GOLIM4: variants seen among roughly 807,000 people sequenced by gnomAD.
GOLIM4 encodes golgi integral membrane protein 4, also known as 130 kDa golgi-localized phosphoprotein.
A neutral mutation model predicts 107.4 loss-of-function variants in GOLIM4; 71 were observed. That is an observed-to-expected ratio of 0.66 (90% CI 0.55 to 0.81). GOLIM4 has a LOEUF of 0.81. GOLIM4 is among the 30% of genes least tolerant of loss of function. The pLI, the probability that GOLIM4 is intolerant of heterozygous loss-of-function variation, is 0.00. For synonymous variants in GOLIM4, 327 were observed against 294.8 expected (o/e 1.11, Z -1.12); for missense variants, 830 against 826.1 (o/e 1.00, Z -0.06).
chr3:168,067,874 G>A (rs1720632092), intron 1 of GOLIM4, among the ~76,000 whole-genome samples: 1 of 151,586 alleles, frequency 6.6e-6, no homozygotes, highest in Non-Finnish European at 1.5e-5. Context: ...CTGTATTATC[G>A]ATATGCAAAA....
chr3:168,027,847 C>G lies in GOLIM4; in HGVS notation c.1514-10G>C. On this transcript the variant is annotated splice_polypyrimidine_tract_variant and intron_variant, in intron 11 of 15. Transcript: ENST00000470487. ...TTGTCTCTTTCATAGGCTAGCAAAT[C>G]AAAGGAACTAAAATCAGCCCAAAAT... 2 of 1,551,454 alleles carry G rather than the reference C, an allele frequency of 1.3e-6. No homozygotes were observed. The highest frequency in any genetic ancestry group is 1.8e-6 in the Non-Finnish European group (2 of 1,123,808).
At chr3:168,011,742 C>A (rs1354254977) in intron 14 of GOLIM4, among the ~76,000 whole-genome samples, 1 of 136,318 alleles carries the variant, frequency 7.3e-6, no homozygotes, top group Non-Finnish European at 1.5e-5. Flanking sequence ...GACCCCTTAC[C>A]CCTGAGCAGC....
rs147945609 is a variant in GOLIM4 at position 168,069,300 on chromosome 3, A to C, written c.188-20935T>G. On this transcript the variant is annotated intron_variant, in intron 1 of 15. Coordinates refer to ENST00000470487, the MANE Select transcript of GOLIM4 (RefSeq NM_014498.5). ...GATAAAAATGTACTCATATGGCCGG[A>C]ACATTGCTAGGTCCAAGGGACAATA... is the stretch of plus-strand genomic sequence containing the variant. Among the ~76,000 whole-genome samples, 47 of 152,310 alleles carry C rather than the reference A, an allele frequency of 3.1e-4. 1 individual carries two copies. The East Asian group carries it at 8.5e-3, about 27-fold the overall frequency.
At chr3:168,056,813 T>C (rs553281973) in intron 1 of GOLIM4, among the ~76,000 whole-genome samples, 188 of 152,354 alleles carry the variant, frequency 1.2e-3, no homozygotes, top group Non-Finnish European at 2.0e-3. Context: ...TAACTTGCTT[T>C]TGATTTTACA....
chr3:168,076,815 GAATA>G (rs1256687191), intron 1 of GOLIM4, among the ~76,000 whole-genome samples: 1 of 152,118 alleles, frequency 6.6e-6, no homozygotes, highest in Non-Finnish European at 1.5e-5. Flanking sequence ...GTCACTGAAA[GAATA>G]GTCATAAAAA....
At chr3:168,022,095 A>G (rs1379252601) in intron 14 of GOLIM4, among the ~76,000 whole-genome samples, 4 of 152,242 alleles carry the variant, frequency 2.6e-5, no homozygotes, top group African/African-American at 9.6e-5. Flanking sequence ...AAGGCAGAGT[A>G]GTATAAATTT....
chr3:168,024,445 G>A (rs1717883043), intron 14 of GOLIM4, 81 bp downstream of exon 14: 2 of 1,049,970 alleles, frequency 1.9e-6, no homozygotes, highest in Non-Finnish European at 3.0e-6. Flanking sequence ...GCATGTCAAA[G>A]TCAATACTGC....
chr3:168,082,352 G>C (rs1295096600), intron 1 of GOLIM4, among the ~76,000 whole-genome samples: 2 of 152,036 alleles, frequency 1.3e-5, no homozygotes, highest in Non-Finnish European at 2.9e-5. Flanking sequence ...AGACAAAGCC[G>C]ACTTTCTTTA....
At chr3:168,064,374 G>C (rs1720433002) in intron 1 of GOLIM4, among the ~76,000 whole-genome samples, 1 of 152,070 alleles carries the variant, frequency 6.6e-6, no homozygotes, top group Non-Finnish European at 1.5e-5. Context: ...ATAAATCCAA[G>C]ACAGCACATA....
intron 5 of GOLIM4, 126 bp from the exon 6 acceptor site, chr3:168,041,600 T>C (rs1719007732): frequency 1.1e-5 from 6 of 570,454 alleles, no homozygotes; most frequent in Non-Finnish European, 1.8e-5. Flanking sequence ...GACAATATAA[T>C]ATTCAAAATC....
At chr3:168,029,144 TATA>T in intron 11 of GOLIM4, 76 bp downstream of exon 11, 2 of 916,150 alleles carry the variant, frequency 2.2e-6, no homozygotes, top group South Asian at 1.4e-5. Context: ...ATTGATGTTA[TATA>T]ATATTGGCTC....
Position 168,095,754 on chromosome 3 carries a change from C to A in GOLIM4, c.-469G>T. The A allele has an allele frequency of 6.3e-6, 1 of 159,024 alleles. No homozygotes were observed. Among genetic ancestry groups the A allele is most frequent in the Non-Finnish European group, 1.4e-5 (1 of 73,104 alleles). The allele number at this position is 159,024 out of a possible 1,614,324, so 9.9% of individuals were successfully genotyped here. On this transcript the variant is annotated 5_prime_UTR_variant, in exon 1 of 16. Coordinates refer to ENST00000470487, the MANE Select transcript of GOLIM4 (RefSeq NM_014498.5). ...GGGGGTGCGCGCCCAACAAAGGGAC[C>A]AGGACTCCGGGCCGCGCCCCCGTGC...
chr3:168,044,883 T>C lies in GOLIM4; in HGVS notation c.313-2A>G. The C allele has an allele frequency of 6.6e-7, 1 of 1,519,966 alleles. No individual in the cohort carries two copies. Among genetic ancestry groups the C allele is most frequent in the Non-Finnish European group, 8.9e-7 (1 of 1,128,378 alleles). 94.2% of individuals were successfully genotyped at this position (1,519,966 alleles called of 1,614,324 possible). A position where few individuals can be genotyped will look rare whatever the true frequency, so the allele number is the denominator to read the frequency against. Reference sequence around the variant, plus strand: ...ACTGTATCTGCTATTGGAATCTTGCTGTAAATCAAAAAAAAAAAAGAAAAC... The same window carrying C: ...ACTGTATCTGCTATTGGAATCTTGCCGTAAATCAAAAAAAAAAAAGAAAAC... On this transcript the variant is annotated splice_acceptor_variant, in intron 3 of 15. Coordinates refer to ENST00000470487, the MANE Select transcript of GOLIM4 (RefSeq NM_014498.5). LOFTEE classifies it high-confidence loss of function.
rs2108227863 is a variant in GOLIM4, at chr3:168,029,892, C to T, written c.1321G>A (p.Gly441Arg). 2 of 1,614,110 alleles carry T rather than the reference C, an allele frequency of 1.2e-6. No individual in the cohort carries two copies. Among genetic ancestry groups the T allele is most frequent in the South Asian group, 1.1e-5 (1 of 91,080 alleles). ...QEALHQQRLQ[G>R]HLLRQQEQQQ... ...TGTTCCTGCTGCCGTAGTAAGTGCC[C>T]CTGCAGCCTCTGCTGGTGCAAAGCT... The change falls in exon 10 of 16, where the codon GGG becomes AGG. Residue 441 changes from glycine (G) to arginine (R), a missense_variant. Gly to Arg is a moderately radical substitution (Grantham distance 125, BLOSUM62 -2). Coordinates refer to ENST00000470487, the MANE Select transcript of GOLIM4 (RefSeq NM_014498.5).
chr3:168,073,403 C>A (rs933995317), intron 1 of GOLIM4, among the ~76,000 whole-genome samples: 1 of 152,152 alleles, frequency 6.6e-6, no homozygotes, highest in African/African-American at 2.4e-5. Flanking sequence ...GGAAACACAG[C>A]CATATAAAAT....
At position 168,058,263 on chromosome 3, in the gene GOLIM4, T is replaced by C. The variant is rs115514406; in HGVS notation, c.188-9898A>G. Among the ~76,000 whole-genome samples, 506 of 152,356 alleles carry C rather than the reference T, an allele frequency of 3.3e-3. 7 individuals carry two copies. Among genetic ancestry groups the C allele is most frequent in the African/African-American group, 0.012 (480 of 41,582 alleles). On this transcript the variant is annotated intron_variant, in intron 1 of 15. Transcript: ENST00000470487. ...ATGGAAATTTTAACCATGACTTGAA[T>C]TGGTGCTTAACTGCCTTTTCTTTTG...
chr3:168,066,763 T>G (rs1277158346), intron 1 of GOLIM4, among the ~76,000 whole-genome samples: 1 of 152,166 alleles, frequency 6.6e-6, no homozygotes. Context: ...ATCTATTCAT[T>G]AGAAGATCTA....
intron 1 of GOLIM4, among the ~76,000 whole-genome samples, chr3:168,066,569 A>C (rs1203842804): frequency 1.3e-5 from 2 of 152,164 alleles, no homozygotes; most frequent in African/African-American, 4.8e-5. Context: ...TATGAGGTAA[A>C]GTATACTTGT....
intron 1 of GOLIM4, among the ~76,000 whole-genome samples, chr3:168,092,380 C>T (rs1218486246): frequency 6.6e-6 from 1 of 152,112 alleles, no homozygotes; most frequent in Admixed American, 6.5e-5. Flanking sequence ...TGCATGCCAT[C>T]CCCACCATCT....
Sources: gnomAD v4.1 joint callset for allele counts (sites outside exome capture counted in the v4.1 genomes callset) on GRCh38, gnomAD v4.1.1 for gene constraint, MANE v1.5 for transcripts, NCBI Gene and HGNC (gene_info 2026-07-23, HGNC 2026-07-21) for gene names.